Variants in PCCA observed in about 807,000 individuals in gnomAD.
PCCA encodes the protein propionyl-CoA carboxylase subunit alpha.
A neutral mutation model predicts 101.3 loss-of-function variants in PCCA; 74 were observed. That is an observed-to-expected ratio of 0.73 (90% CI 0.61 to 0.89). The LOEUF (loss-of-function observed/expected upper bound fraction) is 0.89. Ranked by LOEUF, PCCA falls within the 40% of genes least tolerant of loss-of-function variation. The pLI, the probability that PCCA is intolerant of heterozygous loss-of-function variation, is 0.00. For synonymous variants in PCCA, 294 were observed against 313.6 expected, an observed-to-expected ratio of 0.94 and a Z score of 0.66; for missense variants, 891 against 907.0, an observed-to-expected ratio of 0.98 and a Z score of 0.23.
At chr13:100,105,129 C>CT (rs912983595) in intron 2 of PCCA, among the ~76,000 whole-genome samples, 1 of 152,018 alleles carries the variant, frequency 6.6e-6, no homozygotes, top group Non-Finnish European at 1.5e-5. Context: ...ACCTTAGATT[C>CT]TTTTTTTTGG....
chr13:100,322,070 G>C (rs1420764526), intron 16 of PCCA, among the ~76,000 whole-genome samples: 1 of 152,148 alleles, frequency 6.6e-6, no homozygotes, highest in Admixed American at 6.5e-5. Context: ...GGATAAATAA[G>C]AGAGACGTTT....
chr13:100,121,623 T>A (rs1484804220), intron 4 of PCCA, among the ~76,000 whole-genome samples: 1 of 151,904 alleles, frequency 6.6e-6, no homozygotes, highest in African/African-American at 2.4e-5. Flanking sequence ...TACAGGCATC[T>A]GCCACCACAC....
chr13:100,091,880 A>G (rs1035818117), intron 1 of PCCA, among the ~76,000 whole-genome samples: 2 of 152,062 alleles, frequency 1.3e-5, no homozygotes, highest in African/African-American at 2.4e-5. Flanking sequence ...GGTAATTGCT[A>G]TAGTTATTAT....
At chr13:100,300,301 C>T (rs571837901) in intron 12 of PCCA, among the ~76,000 whole-genome samples, 61 of 152,198 alleles carry the variant, frequency 4.0e-4, no homozygotes, top group Non-Finnish European at 8.2e-4. Flanking sequence ...GCAAACTCAA[C>T]ACGCACAAAG....
chr13:100,134,972 G>T, intron 4 of PCCA, among the ~76,000 whole-genome samples: 1 of 149,840 alleles, frequency 6.7e-6, no homozygotes, highest in African/African-American at 2.5e-5. Context: ...AAACTCCTGG[G>T]CTCAAGTGAT....
At chr13:100,411,286 C>T (rs1305479918) in intron 19 of PCCA, among the ~76,000 whole-genome samples, 4 of 149,212 alleles carry the variant, frequency 2.7e-5, no homozygotes, top group Non-Finnish European at 4.4e-5. Context: ...AGTGCAGTGG[C>T]ACGATCTTGA....
chr13:100,180,858 A>T (rs530428744), intron 6 of PCCA, among the ~76,000 whole-genome samples: 1 of 152,320 alleles, frequency 6.6e-6, no homozygotes, highest in East Asian at 1.9e-4. Context: ...ACCACAGGTG[A>T]TTTGTGGAAG....
At chr13:100,131,653 T>G (rs1003652453) in intron 4 of PCCA, among the ~76,000 whole-genome samples, 6 of 152,140 alleles carry the variant, frequency 3.9e-5, no homozygotes, top group African/African-American at 7.2e-5. Flanking sequence ...TGTTTTAAAG[T>G]GTTGGAAAAA....
intron 12 of PCCA, chr13:100,293,326 G>A: frequency 2.3e-6 from 1 of 443,922 alleles, no homozygotes; most frequent in Non-Finnish European, 4.7e-6. Context: ...CTGCATCACA[G>A]GGAACCTTTA....
rs550465799 is a variant in PCCA at position 100,344,724 on chromosome 13, A to G, written c.1643+4465A>G. Reference sequence around the variant, plus strand: ...CTGTCATACAGGCACACCTCATTTCATTGTCCTTTGCTTTATTGCACTTCT... The same window carrying G: ...CTGTCATACAGGCACACCTCATTTCGTTGTCCTTTGCTTTATTGCACTTCT... On this transcript the variant is annotated intron_variant, in intron 18 of 23. Coordinates refer to ENST00000376285, the MANE Select transcript of PCCA (RefSeq NM_000282.4). 9.9e-5 allele frequency among the ~76,000 whole-genome samples: 15 copies of G among 152,218 alleles called. No individual in the cohort carries two copies. In the South Asian group the frequency reaches 2.3e-3, roughly 23 times the overall value.
intron 21 of PCCA, among the ~76,000 whole-genome samples, chr13:100,497,754 G>A (rs890462920): frequency 7.9e-5 from 12 of 152,288 alleles, no homozygotes; most frequent in Admixed American, 2.0e-4. Flanking sequence ...AGAATTTAGC[G>A]AGGTTTCCAA....
intron 22 of PCCA, 106 bp from the exon 23 acceptor site, chr13:100,527,569 C>T (rs2087950085): frequency 2.6e-6 from 2 of 774,810 alleles, no homozygotes; most frequent in Non-Finnish European, 4.7e-6. Context: ...TGTTCATAGA[C>T]ACATATTTTG....
In PCCA at chr13:100,301,562, C is replaced by A; in HGVS notation, c.1168C>A (p.Arg390Ser). 1 of 1,613,978 alleles carries A rather than the reference C, an allele frequency of 6.2e-7. No homozygotes were observed. The highest frequency in any genetic ancestry group is 1.1e-5 in the South Asian group (1 of 91,078). The change falls in exon 13 of 24, where the codon CGC becomes AGC. Residue 390 changes from arginine to serine, a missense_variant. Transcript: ENST00000376285. ...YPLRHKQADIRINGWAVECRV... is the reference protein window; with the variant it reads ...YPLRHKQADISINGWAVECRV... ...TCTCAGGCACAAACAAGCTGATATT[C>A]GCATCAACGGCTGGGCAGTTGAATG... is the stretch of plus-strand genomic sequence containing the variant.
intron 6 of PCCA, among the ~76,000 whole-genome samples, chr13:100,171,296 G>A (rs1402786709): frequency 6.6e-6 from 1 of 152,034 alleles, no homozygotes; most frequent in Non-Finnish European, 1.5e-5. Flanking sequence ...ACATGTATAA[G>A]CCAAAGCTCC....
chr13:100,407,102 T>C (rs917055611), intron 19 of PCCA, among the ~76,000 whole-genome samples: 20 of 152,256 alleles, frequency 1.3e-4, no homozygotes, highest in African/African-American at 4.6e-4. Flanking sequence ...TTACAATAAC[T>C]TAACATAACA....
chr13:100,478,599 G>A (rs749450009), intron 21 of PCCA, among the ~76,000 whole-genome samples: 3 of 152,110 alleles, frequency 2.0e-5, no homozygotes, highest in African/African-American at 2.4e-5. Flanking sequence ...TGTTACCCTC[G>A]ACGCCATGAT....
chr13:100,128,604 G>C (rs557594995), intron 4 of PCCA, among the ~76,000 whole-genome samples: 2 of 152,192 alleles, frequency 1.3e-5, no homozygotes, highest in Admixed American at 1.3e-4. Context: ...AGACAAGACC[G>C]CGTGCGCAAA....
At chr13:100,447,908 G>A (rs1330203898) in intron 20 of PCCA, among the ~76,000 whole-genome samples, 1 of 152,146 alleles carries the variant, frequency 6.6e-6, no homozygotes, top group Non-Finnish European at 1.5e-5. Flanking sequence ...GTTCACTCTG[G>A]GTTCTATTAC....
intron 20 of PCCA, among the ~76,000 whole-genome samples, chr13:100,440,325 T>G (rs760493813): frequency 4.0e-5 from 6 of 150,778 alleles, no homozygotes; most frequent in Non-Finnish European, 7.4e-5. Flanking sequence ...CTATCTGTAG[T>G]ATATATACAA....
Sources: gnomAD v4.1 joint callset for allele counts (sites outside exome capture counted in the v4.1 genomes callset) on GRCh38, gnomAD v4.1.1 for gene constraint, MANE v1.5 for transcripts, NCBI Gene and HGNC (gene_info 2026-07-23, HGNC 2026-07-21) for gene names.